Variants in TSC2 observed in about 807,000 individuals in gnomAD.
The protein encoded by TSC2 is tuberin.
A neutral mutation model predicts 202.2 loss-of-function variants in TSC2; 29 were observed. That is an observed-to-expected ratio of 0.14 (90% CI 0.11 to 0.20). The LOEUF is 0.20. Among genes scored for constraint, TSC2 ranks in the 10% least tolerant of loss-of-function variants. The pLI, the probability that TSC2 is intolerant of heterozygous loss-of-function variation, is 1.00. For synonymous variants in TSC2, 1,349 were observed against 1,044.0 expected, an observed-to-expected ratio of 1.29 and a Z score of -5.63; for missense variants, 2,429 against 2,420.0, an observed-to-expected ratio of 1.00 and a Z score of -0.08.
intron 11 of TSC2, chr16:2,061,321 G>C: frequency 3.5e-6 from 1 of 288,596 alleles, no homozygotes; most frequent in Non-Finnish European, 6.8e-6. Flanking sequence ...ATGTACAGGA[G>C]GCCAGGCAGC....
In TSC2 at chr16:2,088,718, A is replaced by G; in HGVS notation, c.*108A>G. 3 of 1,427,382 alleles carry G rather than the reference A, an allele frequency of 2.1e-6. No homozygotes were observed. In the South Asian group the frequency reaches 3.8e-5, roughly 18 times the overall value. 88.4% of individuals were successfully genotyped at this position (1,427,382 alleles called of 1,614,324 possible). A position where few individuals can be genotyped will look rare whatever the true frequency, so the allele number is the denominator to read the frequency against. On this transcript the variant is annotated 3_prime_UTR_variant, in exon 42 of 42. Transcript: ENST00000219476. ...ACATAGAGGCACAGATTGCAGTCAGACAGCTCTTTTATTGACTTTGTCTGC... is the reference window on the plus strand; with the variant it reads ...ACATAGAGGCACAGATTGCAGTCAGGCAGCTCTTTTATTGACTTTGTCTGC...
chr16:2,057,681 C>T (rs1049974661), intron 9 of TSC2, among the ~76,000 whole-genome samples: 2 of 152,162 alleles, frequency 1.3e-5, no homozygotes, highest in Non-Finnish European at 2.9e-5. Flanking sequence ...ACAGATATGT[C>T]GGTGTCACCC....
chr16:2,056,349 G>C, intron 7 of TSC2, 105 bp downstream of exon 7: 1 of 1,497,668 alleles, frequency 6.7e-7, no homozygotes, highest in South Asian at 1.2e-5. Context: ...GTGTAGCCCT[G>C]GGCAAGCTGC....
Position 2,048,577 on chromosome 16 carries a change from G to A in TSC2, c.-29-10G>A, listed in dbSNP as rs28537973. ...GCTCAGATGTCCCCATTCCTGTTTC[G>A]TTTGCACAGAGGGGTTTTCTGGTGC... On this transcript the variant is annotated splice_polypyrimidine_tract_variant and intron_variant, in intron 1 of 41. Coordinates refer to ENST00000219476, the MANE Select transcript of TSC2 (RefSeq NM_000548.5). 2 of 1,613,324 alleles carry A rather than the reference G, an allele frequency of 1.2e-6. No individual in the cohort carries two copies. Among genetic ancestry groups the A allele is most frequent in the East Asian group, 2.2e-5 (1 of 44,888 alleles).
In TSC2 at chr16:2,056,998, G is replaced by A. The variant is rs557205883; in HGVS notation, c.775-107G>A. On this transcript the variant is annotated intron_variant, in intron 8 of 41. Transcript: ENST00000219476. Reference sequence around the variant, plus strand: ...GGGAGGAGATGGTGGCGAGCTGGCCGGACCTTGGGTGGCTATAGGGCAGCA... The same window carrying A: ...GGGAGGAGATGGTGGCGAGCTGGCCAGACCTTGGGTGGCTATAGGGCAGCA... 8 of 1,461,042 alleles carry A rather than the reference G, an allele frequency of 5.5e-6. No homozygotes were observed. In the African/African-American group the frequency reaches 5.6e-5, roughly 10 times the overall value. 90.5% of individuals were successfully genotyped at this position (1,461,042 alleles called of 1,614,324 possible).
At chr16:2,087,499 C>A (rs1427962751) in intron 38 of TSC2, among the ~76,000 whole-genome samples, 1 of 136,064 alleles carries the variant, frequency 7.3e-6, no homozygotes, top group South Asian at 2.6e-4. Context: ...GGGGGGGGGG[C>A]ACCTGGGCGG....
chr16:2,053,685 T>C lies in TSC2; in HGVS notation c.336+233T>C, dbSNP rs144712953. On this transcript the variant is annotated intron_variant, in intron 4 of 41. Coordinates refer to ENST00000219476, the MANE Select transcript of TSC2 (RefSeq NM_000548.5). ...AGATGGTCACTGCACCTTCCTCTTA[T>C]GGGATGTTCTGGGGATCATATGAGG... The C allele has an allele frequency of 0.011, 6,983 of 655,444 alleles. 70 individuals carry two copies. Among genetic ancestry groups the C allele is most frequent in the Non-Finnish European group, 0.013 (4,768 of 354,140 alleles). The allele number at this position is 655,444 out of a possible 1,614,324, so 40.6% of individuals were successfully genotyped here.
Position 2,062,978 on chromosome 16 carries a change from G to C in TSC2, c.1368G>C (p.Glu456Asp), listed in dbSNP as rs2151170835. Residue 456 changes from glutamate (E) to aspartate (D), a missense_variant, in exon 14 of 42, where the codon GAG becomes GAC. By Grantham distance (45) the Glu-to-Asp change is conservative. Coordinates refer to ENST00000219476, the MANE Select transcript of TSC2 (RefSeq NM_000548.5). ...GCAGGCTGCCGTCCCGCAGGAGCGA[G>C]TCCCGAGGCGCCGTGCGCATCAAGG... The part of the protein sequence containing the change: ...QALMERFFRS[E>D]SRGAVRIKVL... 1.3e-6 allele frequency: 2 copies of C among 1,550,650 alleles called. No homozygotes were observed. Among genetic ancestry groups the C allele is most frequent in the African/African-American group, 1.4e-5 (1 of 73,158 alleles).
intron 21 of TSC2, 113 bp downstream of exon 21, chr16:2,073,096 G>A (rs963882647): frequency 1.3e-6 from 2 of 1,526,518 alleles, no homozygotes; most frequent in Non-Finnish European, 1.8e-6. Context: ...CCAGGGATGA[G>A]TGAGTTGGCT....
At chr16:2,053,932 A>G (rs2085444729) in intron 4 of TSC2, 2 of 439,022 alleles carry the variant, frequency 4.6e-6, no homozygotes, top group Non-Finnish European at 8.8e-6. Context: ...GTCCACTCTC[A>G]CAGGCTCTCC....
rs1484665370 is a variant in TSC2 at position 2,088,625 on chromosome 16, C to G, written c.*15C>G. The G allele has an allele frequency of 5.0e-6, 8 of 1,598,220 alleles. No individual in the cohort carries two copies. Among genetic ancestry groups the G allele is most frequent in the African/African-American group, 1.3e-5 (1 of 74,876 alleles). On this transcript the variant is annotated 3_prime_UTR_variant, in exon 42 of 42. Coordinates refer to ENST00000219476, the MANE Select transcript of TSC2 (RefSeq NM_000548.5). The stretch of plus-strand genomic sequence containing the variant: ...AGTTTGTGTGAGGCCGGGGCCCTCC[C>G]TCCTGCACTGGCCTTGGACGGTATT...
At chr16:2,087,836 G>A (rs759337863) in intron 38 of TSC2, 27 bp from the exon 39 acceptor site, 3 of 1,611,466 alleles carry the variant, frequency 1.9e-6, no homozygotes, top group East Asian at 2.2e-5. Flanking sequence ...CTGTGTGCGG[G>A]GATGACCCTT....
intron 13 of TSC2, 63 bp from the exon 14 acceptor site, chr16:2,062,909 C>A: frequency 6.6e-7 from 1 of 1,522,872 alleles, no homozygotes. Context: ...GCCAGGCAGA[C>A]GGGCTGGTGT....
Position 2,055,273 on chromosome 16 carries a change from C to T in TSC2, c.482-129C>T, listed in dbSNP as rs759941603. ...GGCCCAGTGCGTGGTCTGTCTGTTGCTGCCGGGGGACTGATGATGGGGTTT... is the reference window on the plus strand; with the variant it reads ...GGCCCAGTGCGTGGTCTGTCTGTTGTTGCCGGGGGACTGATGATGGGGTTT... On this transcript the variant is annotated intron_variant, in intron 5 of 41. Coordinates refer to ENST00000219476, the MANE Select transcript of TSC2 (RefSeq NM_000548.5). 6.2e-6 allele frequency: 5 copies of T among 800,994 alleles called. No homozygotes were observed. The Admixed American group carries it at 7.2e-5, about 11-fold the overall frequency. The allele number at this position is 800,994 out of a possible 1,614,324, so 49.6% of individuals were successfully genotyped here.
intron 18 of TSC2, 35 bp downstream of exon 18, chr16:2,071,651 A>C (rs2088419105): frequency 6.2e-7 from 1 of 1,611,068 alleles, no homozygotes; most frequent in African/African-American, 1.3e-5. Context: ...CATGAGGCTC[A>C]GGGCGTCAGA....
At chr16:2,056,066 TGGGTGGGTGGGACCCCCAGGGAGG>T in intron 6 of TSC2, 106 bp from the exon 7 acceptor site, 1 of 1,169,630 alleles carries the variant, frequency 8.5e-7, no homozygotes, top group Non-Finnish European at 1.2e-6. Context: ...GAGTGCTTGT[TGGGTGGGTGGGACCCCCAGGGAGG>T]ATGAGCCATG....
intron 16 of TSC2, chr16:2,066,306 G>C (rs2087348143): frequency 6.5e-6 from 1 of 152,796 alleles, no homozygotes; most frequent in South Asian, 2.1e-4. Flanking sequence ...AGCGCCATGT[G>C]TCCAGGCCCG....
At chr16:2,055,341 G>A (rs762934079) in intron 5 of TSC2, 61 bp from the exon 6 acceptor site, 1 of 1,299,020 alleles carries the variant, frequency 7.7e-7, no homozygotes. Context: ...CGGCGGGAGG[G>A]GGAGGTGAGT....
In TSC2 at chr16:2,064,394, C is replaced by A. The variant is rs876659982; in HGVS notation, c.1566C>A (p.His522Gln). 1 of 1,613,756 alleles carries A rather than the reference C, an allele frequency of 6.2e-7. No individual in the cohort carries two copies. Among genetic ancestry groups the A allele is most frequent in the Non-Finnish European group, 8.5e-7 (1 of 1,180,040 alleles). ...ACCTGGCAGAGGGCTGCCACACACA[C>A]CACTTCAACAGCCTGCTGGACATCA... is the stretch of plus-strand genomic sequence containing the variant. ...LVDLAEGCHT[H>Q]HFNSLLDIIE... The change falls in exon 15 of 42, where the codon CAC (histidine) becomes CAA (glutamine). Residue 522 changes from histidine to glutamine, a missense_variant. Coordinates refer to ENST00000219476, the MANE Select transcript of TSC2 (RefSeq NM_000548.5).
Sources: gnomAD v4.1 joint callset for allele counts (sites outside exome capture counted in the v4.1 genomes callset) on GRCh38, gnomAD v4.1.1 for gene constraint, MANE v1.5 for transcripts, NCBI Gene and HGNC (gene_info 2026-07-23, HGNC 2026-07-21) for gene names.